BLOC1S5: variants seen among roughly 807,000 people sequenced by gnomAD.
BLOC1S5 encodes the protein biogenesis of lysosomal organelles complex 1 subunit 5, also known as biogenesis of lysosome-related organelles complex 1 subunit 5.
A neutral mutation model predicts 24.3 loss-of-function variants in BLOC1S5; 27 were observed. The ratio of observed to expected loss-of-function variants is 1.11; its 90% CI spans 0.82 to 1.53. BLOC1S5 has a LOEUF of 1.53. BLOC1S5 is among the 40% of genes most tolerant of loss of function. The pLI, the probability that BLOC1S5 is intolerant of heterozygous loss-of-function variation, is 0.00. For synonymous variants in BLOC1S5, 84 were observed against 74.5 expected, an observed-to-expected ratio of 1.13 and a Z score of -0.66; for missense variants, 239 against 229.4, an observed-to-expected ratio of 1.04 and a Z score of -0.27.
chr6:8,058,044 TC>T (rs759511342), intron 2 of BLOC1S5, among the ~76,000 whole-genome samples: 5 of 152,170 alleles, frequency 3.3e-5, no homozygotes, highest in Non-Finnish European at 7.4e-5. Context: ...AGGAATTGTT[TC>T]CTATTTATTT....
intron 2 of BLOC1S5, among the ~76,000 whole-genome samples, chr6:8,057,248 C>CA (rs1561871576): frequency 6.6e-6 from 1 of 151,574 alleles, no homozygotes; most frequent in African/African-American, 2.4e-5. Flanking sequence ...AAAGAAAAGA[C>CA]AAAAAAACCC....
At chr6:8,029,654 G>A (rs905909135) in intron 3 of BLOC1S5, among the ~76,000 whole-genome samples, 3 of 152,178 alleles carry the variant, frequency 2.0e-5, no homozygotes, top group Non-Finnish European at 2.9e-5. Flanking sequence ...CACTGCACGA[G>A]GTTCGTTCCC....
At chr6:8,030,723 T>A (rs1034054335) in intron 3 of BLOC1S5, among the ~76,000 whole-genome samples, 7 of 151,422 alleles carry the variant, frequency 4.6e-5, no homozygotes, top group Non-Finnish European at 8.8e-5. Context: ...AATAGAAAAA[T>A]TAGCTGGGTA....
At chr6:8,018,868 G>A (rs1762824863) in intron 4 of BLOC1S5, among the ~76,000 whole-genome samples, 1 of 152,150 alleles carries the variant, frequency 6.6e-6, no homozygotes, top group African/African-American at 2.4e-5. Context: ...ACAGATTATT[G>A]TAATAATTCA....
intron 4 of BLOC1S5, among the ~76,000 whole-genome samples, chr6:8,019,672 C>A (rs1485355949): frequency 6.6e-6 from 1 of 151,948 alleles, no homozygotes; most frequent in Non-Finnish European, 1.5e-5. Context: ...CAAATAAAAC[C>A]CAGCTACCTG....
intron 3 of BLOC1S5, among the ~76,000 whole-genome samples, chr6:8,039,592 G>A (rs1763611787): frequency 6.6e-6 from 1 of 151,546 alleles, no homozygotes; most frequent in African/African-American, 2.4e-5. Flanking sequence ...CAAAAGTAAA[G>A]TTATTTTTAA....
At chr6:8,047,577 G>A (rs1763950582) in intron 2 of BLOC1S5, among the ~76,000 whole-genome samples, 1 of 152,026 alleles carries the variant, frequency 6.6e-6, no homozygotes, top group Non-Finnish European at 1.5e-5. Context: ...TGTTTCTTAA[G>A]TCCTTTTTAA....
At chr6:8,059,676 G>A (rs1764448784) in intron 2 of BLOC1S5, among the ~76,000 whole-genome samples, 1 of 152,190 alleles carries the variant, frequency 6.6e-6, no homozygotes, top group South Asian at 2.1e-4. Context: ...TCTAATTTGA[G>A]ATGAGAGTTA....
chr6:8,046,822 C>T (rs1336062550), intron 2 of BLOC1S5, among the ~76,000 whole-genome samples: 2 of 152,072 alleles, frequency 1.3e-5, no homozygotes, highest in African/African-American at 4.8e-5. Flanking sequence ...CACACTACTG[C>T]TGGAGTGCAG....
chr6:8,051,999 G>A (rs1200643485), intron 2 of BLOC1S5, among the ~76,000 whole-genome samples: 6 of 135,258 alleles, frequency 4.4e-5, no homozygotes, highest in Admixed American at 4.1e-4. Context: ...TTGAGACGGA[G>A]TCTTGCCACC....
intron 2 of BLOC1S5, among the ~76,000 whole-genome samples, chr6:8,044,059 G>A (rs925153022): frequency 3.9e-5 from 6 of 152,050 alleles, no homozygotes; most frequent in East Asian, 3.9e-4. Context: ...TGAGGTGGGC[G>A]GATCATGAGG....
intron 3 of BLOC1S5, among the ~76,000 whole-genome samples, chr6:8,040,676 T>C (rs573762588): frequency 6.6e-6 from 1 of 152,098 alleles, no homozygotes; most frequent in African/African-American, 2.4e-5. Context: ...GCCAACATGG[T>C]GAAACCCCAT....
intron 2 of BLOC1S5, among the ~76,000 whole-genome samples, chr6:8,047,986 T>C (rs1167585493): frequency 6.6e-6 from 1 of 152,260 alleles, no homozygotes; most frequent in Non-Finnish European, 1.5e-5. Context: ...GTTTCAAAAA[T>C]AATGAGTTGG....
chr6:8,020,788 A>T (rs1762890959), intron 4 of BLOC1S5, among the ~76,000 whole-genome samples: 1 of 152,238 alleles, frequency 6.6e-6, no homozygotes, highest in Non-Finnish European at 1.5e-5. Flanking sequence ...TAAAGAAATT[A>T]GAAAAACAAC....
At chr6:8,038,928 A>C (rs1186418786) in intron 3 of BLOC1S5, among the ~76,000 whole-genome samples, 2 of 152,266 alleles carry the variant, frequency 1.3e-5, no homozygotes, top group Non-Finnish European at 2.9e-5. Flanking sequence ...AAAACTAAAA[A>C]TAGAACTACC....
At position 8,047,862 on chromosome 6, in the gene BLOC1S5, A is replaced by C. The variant is rs138162211; in HGVS notation, c.196-6594T>G. 1.3e-5 allele frequency among the ~76,000 whole-genome samples: 2 copies of C among 152,334 alleles called. 1 individual carries two copies. Among genetic ancestry groups the C allele is most frequent in the South Asian group, 4.1e-4 (2 of 4,832 alleles). ...TGGTAGCATTCTGTCTTTGTTTACTAGCAGAAATACTCTATGAGGAGAAAC... is the reference window on the plus strand; with the variant it reads ...TGGTAGCATTCTGTCTTTGTTTACTCGCAGAAATACTCTATGAGGAGAAAC... On this transcript the variant is annotated intron_variant, in intron 2 of 4. Coordinates refer to ENST00000397457, the MANE Select transcript of BLOC1S5 (RefSeq NM_201280.3).
intron 4 of BLOC1S5, 49 bp downstream of exon 4, chr6:8,026,318 T>C (rs1763102016): frequency 7.0e-7 from 1 of 1,420,366 alleles, no homozygotes; most frequent in East Asian, 2.3e-5. Flanking sequence ...AATAATATGA[T>C]AATAAAGATG....
At chr6:8,041,571 C>CA (rs1157417714) in intron 2 of BLOC1S5, among the ~76,000 whole-genome samples, 3 of 151,462 alleles carry the variant, frequency 2.0e-5, no homozygotes, top group African/African-American at 7.3e-5. Flanking sequence ...CTCGGCCTCC[C>CA]AAAGTGCTGG....
intron 2 of BLOC1S5, among the ~76,000 whole-genome samples, chr6:8,047,893 CCAA>C (rs1333829409): frequency 6.6e-6 from 1 of 152,182 alleles, no homozygotes; most frequent in Admixed American, 6.5e-5. Flanking sequence ...GAAACTGCCC[CCAA>C]CAACAACTTG....
Sources: allele counts gnomAD v4.1 joint callset (sites outside exome capture counted in the v4.1 genomes callset), GRCh38; gene constraint gnomAD v4.1.1; transcripts MANE v1.5; gene names NCBI Gene and HGNC (gene_info 2026-07-23, HGNC 2026-07-21).